CDH12: variants seen among roughly 807,000 people sequenced by gnomAD.
The protein encoded by CDH12 is cadherin 12.
A neutral mutation model predicts 74.1 loss-of-function variants in CDH12; 41 were observed. That is an observed-to-expected ratio of 0.55 (90% CI 0.43 to 0.72). The LOEUF (loss-of-function observed/expected upper bound fraction) is 0.72. CDH12 is among the 30% of genes least tolerant of loss of function. The pLI, the probability that CDH12 is intolerant of heterozygous loss-of-function variation, is 0.00. For synonymous variants in CDH12, 399 were observed against 355.0 expected, an observed-to-expected ratio of 1.12 and a Z score of -1.39; for missense variants, 945 against 977.2, an observed-to-expected ratio of 0.97 and a Z score of 0.44.
intron 5 of CDH12, among the ~76,000 whole-genome samples, chr5:22,033,093 A>C (rs1738937289): frequency 2.0e-5 from 3 of 151,306 alleles, no homozygotes; most frequent in Non-Finnish European, 4.4e-5. Flanking sequence ...ACATTTTTTC[A>C]ATGACAAAAG....
intron 1 of CDH12, among the ~76,000 whole-genome samples, chr5:22,676,338 T>C (rs1205063392): frequency 6.6e-6 from 1 of 152,216 alleles, no homozygotes; most frequent in Non-Finnish European, 1.5e-5. Context: ...ATTTTGCTTA[T>C]GGCACAAAGT....
chr5:22,556,451 C>A (rs1738808493), intron 1 of CDH12, among the ~76,000 whole-genome samples: 1 of 152,074 alleles, frequency 6.6e-6, no homozygotes, highest in South Asian at 2.1e-4. Flanking sequence ...AAAATATTTT[C>A]TCAAGAACCA....
At chr5:22,147,128 T>C (rs1747238443) in intron 4 of CDH12, among the ~76,000 whole-genome samples, 1 of 152,182 alleles carries the variant, frequency 6.6e-6, no homozygotes, top group South Asian at 2.1e-4. Flanking sequence ...ATTCTCCAAC[T>C]CTTTGTTATT....
intron 10 of CDH12, among the ~76,000 whole-genome samples, chr5:21,788,925 G>T (rs772273644): frequency 6.6e-6 from 1 of 151,268 alleles, no homozygotes; most frequent in Non-Finnish European, 1.5e-5. Context: ...TTTATTTTTA[G>T]GTTTTCTATA....
intron 3 of CDH12, among the ~76,000 whole-genome samples, chr5:22,394,138 C>A (rs1177440662): frequency 6.6e-6 from 1 of 151,970 alleles, no homozygotes; most frequent in Non-Finnish European, 1.5e-5. Context: ...AAGAGAAGTC[C>A]AAAGATATTA....
chr5:21,799,472 A>G (rs1746990761), intron 10 of CDH12, among the ~76,000 whole-genome samples: 1 of 152,208 alleles, frequency 6.6e-6, no homozygotes, highest in African/African-American at 2.4e-5. Context: ...AAGGGTTGAT[A>G]GATTGATTAC....
intron 4 of CDH12, among the ~76,000 whole-genome samples, chr5:22,196,928 A>C (rs1750651270): frequency 6.6e-6 from 1 of 152,142 alleles, no homozygotes; most frequent in Non-Finnish European, 1.5e-5. Context: ...TCAGACAAAA[A>C]AGTAGATCAT....
At chr5:22,431,212 A>G (rs1018368035) in intron 2 of CDH12, among the ~76,000 whole-genome samples, 2 of 152,200 alleles carry the variant, frequency 1.3e-5, no homozygotes, top group African/African-American at 4.8e-5. Flanking sequence ...CAAATATATT[A>G]AGCCACTCAA....
intron 1 of CDH12, among the ~76,000 whole-genome samples, chr5:22,646,687 A>C (rs1739451564): frequency 6.6e-6 from 1 of 151,892 alleles, no homozygotes; most frequent in Non-Finnish European, 1.5e-5. Flanking sequence ...ATGCTTACAC[A>C]TGGGGCTCAG....
chr5:22,189,671 T>C (rs1012763628), intron 4 of CDH12, among the ~76,000 whole-genome samples: 3 of 152,198 alleles, frequency 2.0e-5, no homozygotes, highest in Non-Finnish European at 2.9e-5. Flanking sequence ...TGTTAAAAAT[T>C]TGCAGCTAGC....
At chr5:22,821,556 T>C (rs964077015) in intron 1 of CDH12, among the ~76,000 whole-genome samples, 26 of 152,256 alleles carry the variant, frequency 1.7e-4, no homozygotes, top group African/African-American at 5.5e-4. Context: ...ATAAAATCAA[T>C]GTACAAAAAT....
At chr5:22,479,470 GT>G (rs1407155843) in intron 2 of CDH12, among the ~76,000 whole-genome samples, 14 of 152,182 alleles carry the variant, frequency 9.2e-5, no homozygotes, top group African/African-American at 3.1e-4. Context: ...GCATAAGAAT[GT>G]CCACAGAGAT....
chr5:22,819,008 T>C (rs1304446134), intron 1 of CDH12, among the ~76,000 whole-genome samples: 1 of 152,106 alleles, frequency 6.6e-6, no homozygotes, highest in Non-Finnish European at 1.5e-5. Flanking sequence ...AGTATGGTAG[T>C]TCAGGAACAC....
intron 2 of CDH12, among the ~76,000 whole-genome samples, chr5:22,489,406 C>G (rs961363118): frequency 2.6e-5 from 4 of 151,788 alleles, no homozygotes; most frequent in Non-Finnish European, 5.9e-5. Flanking sequence ...ACTTTCACAC[C>G]AACCTGTAAA....
intron 6 of CDH12, among the ~76,000 whole-genome samples, chr5:21,927,811 T>G (rs897529516): frequency 6.6e-6 from 1 of 152,080 alleles, no homozygotes; most frequent in Non-Finnish European, 1.5e-5. Flanking sequence ...GGCTCACGTC[T>G]GTAATCCCAG....
chr5:22,126,895 G>A (rs1745900516), intron 4 of CDH12, among the ~76,000 whole-genome samples: 1 of 152,150 alleles, frequency 6.6e-6, no homozygotes, highest in Admixed American at 6.5e-5. Context: ...TGTTAAACAG[G>A]TTCTCTCATG....
intron 8 of CDH12, among the ~76,000 whole-genome samples, chr5:21,823,547 A>T (rs1349821688): frequency 6.6e-6 from 1 of 152,158 alleles, no homozygotes; most frequent in East Asian, 1.9e-4. Flanking sequence ...GGAAAACCAT[A>T]GAGAAGCAAC....
chr5:22,223,342 G>T (rs73062550), intron 3 of CDH12, among the ~76,000 whole-genome samples: 1 of 151,936 alleles, frequency 6.6e-6, no homozygotes, highest in Non-Finnish European at 1.5e-5. Flanking sequence ...AATCTCTTGC[G>T]CATATAGAAG....
intron 11 of CDH12, among the ~76,000 whole-genome samples, chr5:21,781,575 T>C (rs878901753): frequency 6.6e-6 from 1 of 151,848 alleles, no homozygotes; most frequent in Non-Finnish European, 1.5e-5. Context: ...AATACAAAAA[T>C]TAGCCAGGTG....
Sources: allele counts gnomAD v4.1 joint callset (sites outside exome capture counted in the v4.1 genomes callset), GRCh38; gene constraint gnomAD v4.1.1; transcripts MANE v1.5; gene names NCBI Gene and HGNC (gene_info 2026-07-23, HGNC 2026-07-21).